The following INTS9 variants were observed in gnomAD, a reference collection of about 807,000 sequenced individuals.
INTS9 encodes integrator complex subunit 9.
INTS9 carries 55 observed loss-of-function variants against 79.7 expected under a neutral mutation model. The observed-to-expected ratio is 0.69, with a 90% CI of 0.56 to 0.86. The LOEUF (loss-of-function observed/expected upper bound fraction) is 0.86, where lower values mean the gene tolerates loss of function less well. INTS9 is among the 40% of genes least tolerant of loss of function. The probability of loss-of-function intolerance (pLI) is 0.00; values close to 1 mark genes in which losing one functional copy is unlikely to be tolerated. For missense variants in INTS9, 721 were observed against 831.5 expected, an observed-to-expected ratio of 0.87 and a Z score of 1.64; for synonymous variants, 319 against 325.2, an observed-to-expected ratio of 0.98 and a Z score of 0.20.
intron 6 of INTS9, among the ~76,000 whole-genome samples, chr8:28,819,461 T>C (rs1322890994): frequency 2.0e-5 from 3 of 152,170 alleles, no homozygotes; most frequent in Non-Finnish European, 4.4e-5. Context: ...AGTTGAGCGG[T>C]TTTGAGTGAG....
chr8:28,796,881 G>A, intron 8 of INTS9: 3 of 457,524 alleles, frequency 6.6e-6, no homozygotes, highest in Admixed American at 3.3e-5. Flanking sequence ...AACAAGTTCT[G>A]TATCTTCACT....
At chr8:28,835,823 T>TC (rs1205341781) in intron 5 of INTS9, among the ~76,000 whole-genome samples, 6 of 152,146 alleles carry the variant, frequency 3.9e-5, no homozygotes, top group Non-Finnish European at 8.8e-5. Flanking sequence ...CTTTTTTTTT[T>TC]TTGAGACAGA....
At chr8:28,853,117 A>C (rs548385517) in intron 2 of INTS9, among the ~76,000 whole-genome samples, 1 of 152,240 alleles carries the variant, frequency 6.6e-6, no homozygotes, top group Non-Finnish European at 1.5e-5. Context: ...ATCTTTCCAC[A>C]GAAATCTAAT....
At chr8:28,796,472 A>C (rs1804221491) in intron 9 of INTS9, 72 bp downstream of exon 9, 1 of 855,466 alleles carries the variant, frequency 1.2e-6, no homozygotes, top group Admixed American at 2.2e-5. Flanking sequence ...ATTATTGTAA[A>C]ATATTATATT....
At chr8:28,774,906 A>G (rs1310093708) in intron 14 of INTS9, among the ~76,000 whole-genome samples, 1 of 152,158 alleles carries the variant, frequency 6.6e-6, no homozygotes, top group Non-Finnish European at 1.5e-5. Flanking sequence ...GCTGTTCAAC[A>G]TGGACAGCAT....
intron 2 of INTS9, among the ~76,000 whole-genome samples, chr8:28,856,506 C>T (rs1363879743): frequency 3.3e-5 from 5 of 152,054 alleles, no homozygotes; most frequent in East Asian, 1.9e-4. Flanking sequence ...ACTGCAGCCT[C>T]GACTCTCTGG....
At chr8:28,778,797 C>T (rs531064767) in intron 12 of INTS9, among the ~76,000 whole-genome samples, 4 of 152,334 alleles carry the variant, frequency 2.6e-5, no homozygotes, top group Admixed American at 6.5e-5. Context: ...GACACAGAGA[C>T]GTCTCCACTG....
intron 2 of INTS9, 92 bp downstream of exon 2, chr8:28,859,344 C>A: frequency 7.2e-7 from 1 of 1,383,448 alleles, no homozygotes; most frequent in East Asian, 2.3e-5. Context: ...AAACTTACGA[C>A]AATATACTAG....
chr8:28,787,710 G>A, intron 11 of INTS9, 119 bp downstream of exon 11: 1 of 564,734 alleles, frequency 1.8e-6, no homozygotes, highest in Non-Finnish European at 3.2e-6. Flanking sequence ...TGACTTGGGA[G>A]GCAAAGGGGT....
At chr8:28,813,442 T>C in intron 7 of INTS9, 50 bp downstream of exon 7, 1 of 1,550,434 alleles carries the variant, frequency 6.4e-7, no homozygotes, top group Non-Finnish European at 8.9e-7. Flanking sequence ...CAAACAACAA[T>C]ATGAATGGAA....
chr8:28,879,598 T>C (rs1253946644), intron 1 of INTS9, among the ~76,000 whole-genome samples: 1 of 151,954 alleles, frequency 6.6e-6, no homozygotes, highest in Non-Finnish European at 1.5e-5. Flanking sequence ...AGTGAAAACA[T>C]GGAGAAATTG....
chr8:28,783,157 AAAAAAAAAAAAAG>A (rs1187065562), intron 11 of INTS9, among the ~76,000 whole-genome samples: 9 of 149,086 alleles, frequency 6.0e-5, no homozygotes, highest in African/African-American at 1.7e-4. Flanking sequence ...AAAAAAAAAA[AAAAAAAAAAAAAG>A]AAGCAGGTGC....
Position 28,846,817 on chromosome 8 carries a change from A to T in INTS9, c.199-8T>A. ...CGAGCACTCCTTTAGCTCCTAAAAG[A>T]AATGAAAAGGAAAAATACAAGGAAG... On this transcript the variant is annotated splice_polypyrimidine_tract_variant and splice_region_variant and intron_variant, in intron 3 of 16. Transcript: ENST00000521022. 3 of 1,609,592 alleles carry T rather than the reference A, an allele frequency of 1.9e-6. No homozygotes were observed. The highest frequency in any genetic ancestry group is 2.6e-6 in the Non-Finnish European group (3 of 1,175,912).
intron 3 of INTS9, among the ~76,000 whole-genome samples, chr8:28,848,845 A>G (rs2131248716): frequency 6.6e-6 from 1 of 152,276 alleles, no homozygotes; most frequent in East Asian, 1.9e-4. Context: ...AAATACTCCC[A>G]CATACACATG....
intron 1 of INTS9, among the ~76,000 whole-genome samples, chr8:28,883,302 A>G (rs1173552014): frequency 1.3e-5 from 2 of 152,186 alleles, no homozygotes; most frequent in African/African-American, 4.8e-5. Context: ...CCATATTTTT[A>G]TCTGAAGAAA....
chr8:28,768,802 A>AT (rs1313336752), intron 16 of INTS9, among the ~76,000 whole-genome samples: 1 of 152,236 alleles, frequency 6.6e-6, no homozygotes, highest in East Asian at 1.9e-4. Flanking sequence ...TTCCTTACAA[A>AT]TCAGACGTGA....
intron 8 of INTS9, 53 bp from the exon 9 acceptor site, chr8:28,796,708 C>A: frequency 9.3e-7 from 1 of 1,075,196 alleles, no homozygotes; most frequent in African/African-American, 1.5e-5. Context: ...ACATTACCTA[C>A]AAATAGTGAA....
At chr8:28,845,059 C>G (rs1337451776) in intron 4 of INTS9, among the ~76,000 whole-genome samples, 4 of 152,158 alleles carry the variant, frequency 2.6e-5, no homozygotes. Context: ...CAACTGTACT[C>G]ACATATTTAC....
chr8:28,777,828 C>T lies in INTS9; in HGVS notation c.1395+1G>A, dbSNP rs764386717. ...AAGGCACAAGCAGTGTCCTTCATTA[C>T]CTGCACTTCTTTAAGCAGCTTTGAC... is the stretch of plus-strand genomic sequence containing the variant. On this transcript the variant is annotated splice_donor_variant, in intron 13 of 16. Coordinates refer to ENST00000521022, the MANE Select transcript of INTS9 (RefSeq NM_018250.4). LOFTEE classifies it high-confidence loss of function. 1.9e-6 allele frequency: 3 copies of T among 1,602,538 alleles called. No homozygotes were observed. The African/African-American group carries it at 4.0e-5, about 22-fold the overall frequency.
Sources: gnomAD v4.1 joint callset for allele counts (sites outside exome capture counted in the v4.1 genomes callset) on GRCh38, gnomAD v4.1.1 for gene constraint, MANE v1.5 for transcripts, NCBI Gene and HGNC (gene_info 2026-07-23, HGNC 2026-07-21) for gene names.